The following RUNX1 variants were observed in gnomAD, a reference collection of about 807,000 sequenced individuals.
RUNX1 encodes the protein RUNX family transcription factor 1.
Under a neutral mutation model 42.8 loss-of-function variants are expected in RUNX1, and 19 were observed. That is an observed-to-expected ratio of 0.44 (90% CI 0.31 to 0.65). The LOEUF (loss-of-function observed/expected upper bound fraction) is 0.65. RUNX1 is among the 30% of genes least tolerant of loss of function. The pLI is 0.07. For missense variants in RUNX1, 528 were observed against 672.0 expected (o/e 0.79, Z 2.37); for synonymous variants, 271 against 289.4 (o/e 0.94, Z 0.64).
chr21:34,993,820 T>G (rs201124809), intron 2 of RUNX1, among the ~76,000 whole-genome samples: 17 of 109,570 alleles, frequency 1.6e-4, no homozygotes, highest in East Asian at 2.9e-4. Context: ...CACACACACA[T>G]ACACAGACAC....
intron 5 of RUNX1, among the ~76,000 whole-genome samples, chr21:34,879,549 TTTGA>T (rs1183498886): frequency 1.3e-5 from 2 of 152,180 alleles, no homozygotes; most frequent in African/African-American, 2.4e-5. Context: ...TTAAATGTTG[TTTGA>T]TTGGTGCTTC....
At chr21:34,969,571 C>T (rs1269150117) in intron 2 of RUNX1, among the ~76,000 whole-genome samples, 8 of 152,088 alleles carry the variant, frequency 5.3e-5, no homozygotes, top group East Asian at 3.9e-4. Context: ...GATCAAACAG[C>T]GAGAGGCACT....
chr21:34,821,490 G>T, intron 7 of RUNX1: 1 of 1,451,840 alleles, frequency 6.9e-7, no homozygotes. Context: ...TTATTGTTAC[G>T]ACGGTTTGCA....
At chr21:35,020,268 T>G (rs1006507944) in intron 2 of RUNX1, among the ~76,000 whole-genome samples, 1 of 152,064 alleles carries the variant, frequency 6.6e-6, no homozygotes, top group African/African-American at 2.4e-5. Flanking sequence ...AACAAAAGAA[T>G]GATCCCTTGA....
chr21:34,891,087 G>T (rs2058076192), intron 3 of RUNX1, among the ~76,000 whole-genome samples: 1 of 152,182 alleles, frequency 6.6e-6, no homozygotes, highest in Non-Finnish European at 1.5e-5. Context: ...GTCTCGGGCC[G>T]CTTGCCTAAA....
chr21:34,887,693 CGT>C, intron 3 of RUNX1: 2 of 1,063,652 alleles, frequency 1.9e-6, no homozygotes, highest in Non-Finnish European at 2.3e-6. Context: ...TGTATGTGCA[CGT>C]ATATATAAAT....
chr21:34,985,254 G>A (rs779559274), intron 2 of RUNX1, among the ~76,000 whole-genome samples: 3 of 152,194 alleles, frequency 2.0e-5, no homozygotes, highest in Non-Finnish European at 2.9e-5. Context: ...TTGCAATAGG[G>A]ATGACAGAGC....
At chr21:34,889,427 G>T (rs941853323) in intron 3 of RUNX1, among the ~76,000 whole-genome samples, 39 of 152,124 alleles carry the variant, frequency 2.6e-4, no homozygotes, top group African/African-American at 8.9e-4. Flanking sequence ...CGATCCCTCC[G>T]CGCGTCTCAC....
intron 2 of RUNX1, among the ~76,000 whole-genome samples, chr21:35,008,864 C>T (rs1287583258): frequency 1.3e-5 from 2 of 151,992 alleles, no homozygotes; most frequent in African/African-American, 2.4e-5. Context: ...ATTAGAACGT[C>T]AAGTAGGACC....
Position 34,880,732 on chromosome 21 carries a change from A to G in RUNX1, c.352-19T>C, listed in dbSNP as rs2146364415. ...CCACCACCTAAACACCAGTCAAAGGACAAATGCAGACATCAGGGATGTTAT... is the reference window on the plus strand; with the variant it reads ...CCACCACCTAAACACCAGTCAAAGGGCAAATGCAGACATCAGGGATGTTAT... On this transcript the variant is annotated intron_variant, in intron 4 of 8. Transcript: ENST00000675419. 6.2e-7 allele frequency: 1 copy of G among 1,613,676 alleles called. No individual in the cohort carries two copies. The highest frequency in any genetic ancestry group is 1.1e-5 in the South Asian group (1 of 91,070).
chr21:34,811,733 GGCCTT>G (rs1449373464), intron 7 of RUNX1, among the ~76,000 whole-genome samples: 4 of 151,916 alleles, frequency 2.6e-5, no homozygotes, highest in Non-Finnish European at 5.9e-5. Flanking sequence ...CACTAGGAGG[GGCCTT>G]GCCCCACAAC....
chr21:34,798,184 A>G (rs927680000), intron 8 of RUNX1: 10 of 454,158 alleles, frequency 2.2e-5, no homozygotes, highest in Admixed American at 9.4e-5. Context: ...ATTTGATCCC[A>G]AGAGCTGAAA....
At chr21:34,953,531 A>G (rs2058623401) in intron 2 of RUNX1, among the ~76,000 whole-genome samples, 1 of 152,226 alleles carries the variant, frequency 6.6e-6, no homozygotes, top group Admixed American at 6.5e-5. Flanking sequence ...ATGATGGAGA[A>G]GAAAGATATA....
At chr21:34,881,692 G>A (rs1374434619) in intron 4 of RUNX1, among the ~76,000 whole-genome samples, 2 of 152,128 alleles carry the variant, frequency 1.3e-5, no homozygotes, top group African/African-American at 4.8e-5. Flanking sequence ...CAGGGCTATT[G>A]GAGAAAACTG....
Position 34,870,956 on chromosome 21 carries a change from C to CA in RUNX1, c.508+9600dup, listed in dbSNP as rs11318293. Among the ~76,000 whole-genome samples the CA allele has an allele frequency of 5.5e-4, 82 of 150,228 alleles. 1 individual carries two copies. The highest frequency in any genetic ancestry group is 6.7e-4 in the Non-Finnish European group (45 of 67,458). On this transcript the variant is annotated intron_variant, in intron 5 of 8. Coordinates refer to ENST00000675419, the MANE Select transcript of RUNX1 (RefSeq NM_001754.5). ...CTGGTGACAGGGCGAGACTCCATCT[C>CA]AAAAAAAAACAAAAACAAAAAAACA... is the stretch of plus-strand genomic sequence containing the variant.
intron 7 of RUNX1, among the ~76,000 whole-genome samples, chr21:34,799,873 CAG>C (rs766563625): frequency 1.4e-4 from 22 of 152,310 alleles, no homozygotes; most frequent in Non-Finnish European, 1.6e-4. Context: ...TTTATAAACT[CAG>C]GGGATCACCT....
chr21:34,832,108 T>C (rs1229000382), intron 7 of RUNX1, among the ~76,000 whole-genome samples: 5 of 152,174 alleles, frequency 3.3e-5, no homozygotes, highest in African/African-American at 1.2e-4. Flanking sequence ...CGAGTTATGA[T>C]TTCTTAAATG....
At chr21:34,986,562 T>C (rs952464450) in intron 2 of RUNX1, among the ~76,000 whole-genome samples, 2 of 148,512 alleles carry the variant, frequency 1.3e-5, no homozygotes, top group African/African-American at 5.0e-5. Context: ...GATGAGGTCA[T>C]ACTAGATTAG....
chr21:35,015,179 T>C (rs1454348400), intron 2 of RUNX1, among the ~76,000 whole-genome samples: 1 of 152,158 alleles, frequency 6.6e-6, no homozygotes, highest in African/African-American at 2.4e-5. Context: ...CGTTCCTAAA[T>C]CCCTTTGCAT....
Sources: allele counts gnomAD v4.1 joint callset (sites outside exome capture counted in the v4.1 genomes callset), GRCh38; gene constraint gnomAD v4.1.1; transcripts MANE v1.5; gene names NCBI Gene and HGNC (gene_info 2026-07-23, HGNC 2026-07-21).